The following PSMC6 variants were observed in gnomAD, a reference collection of about 807,000 sequenced individuals.
PSMC6 encodes proteasome 26S subunit, ATPase 6.
PSMC6 carries 3 observed loss-of-function variants against 55.9 expected under a neutral mutation model. The ratio of observed to expected loss-of-function variants is 0.05; its 90% confidence interval spans 0.02 to 0.14. The LOEUF (loss-of-function observed/expected upper bound fraction) is 0.14. Among genes scored for constraint, PSMC6 ranks in the 10% least tolerant of loss-of-function variants. The pLI is 1.00. For synonymous variants in PSMC6, 137 were observed against 155.9 expected, an observed-to-expected ratio of 0.88 and a Z score of 0.90; for missense variants, 210 against 478.7, an observed-to-expected ratio of 0.44 and a Z score of 5.24.
At chr14:52,724,561 C>T (rs1018298724) in intron 13 of PSMC6, among the ~76,000 whole-genome samples, 1 of 152,082 alleles carries the variant, frequency 6.6e-6, no homozygotes, top group East Asian at 1.9e-4. Flanking sequence ...TGTATGTTGT[C>T]TAATACTAGT....
At chr14:52,723,737 G>A (rs913224931) in intron 12 of PSMC6, 119 of 997,908 alleles carry the variant, frequency 1.2e-4, no homozygotes, top group Admixed American at 3.7e-5. Flanking sequence ...TGAGATTTTG[G>A]TGATATTTCC....
chr14:52,721,172 A>G lies in PSMC6; in HGVS notation c.961A>G (p.Thr321Ala). The change falls in exon 12 of 14, where the codon ACA becomes GCA. Residue 321 changes from threonine to alanine, a missense_variant. Physicochemically the swap from Thr to Ala is moderately conservative, Grantham distance 58. Around this residue, in one of 4 missense-constraint regions of PSMC6, gnomAD observed 79 missense variants for 158.7 expected, o/e 0.50. Transcript: ENST00000445930. ...DILKIHAGPI[T>A]KHGEIDYEAI... The stretch of plus-strand genomic sequence containing the variant: ...ACTGAAAATCCATGCAGGTCCCATT[A>G]CAAAGCATGGTGAAATAGGTAAGGA... 3 of 1,590,210 alleles carry G rather than the reference A, an allele frequency of 1.9e-6. No individual in the cohort carries two copies. Among genetic ancestry groups the G allele is most frequent in the Non-Finnish European group, 2.6e-6 (3 of 1,170,764 alleles).
At chr14:52,723,407 A>G (rs1880277111) in intron 12 of PSMC6, 1 of 152,830 alleles carries the variant, frequency 6.5e-6, no homozygotes, top group Non-Finnish European at 1.5e-5. Context: ...TCACTTTATT[A>G]CTGCTACCAT....
At chr14:52,722,025 C>G (rs1030803241) in intron 12 of PSMC6, 5 of 152,456 alleles carry the variant, frequency 3.3e-5, no homozygotes, top group African/African-American at 1.2e-4. Flanking sequence ...ACCCAAAGTT[C>G]TGGGATAACA....
At chr14:52,723,570 A>T (rs1161968933) in intron 12 of PSMC6, 2 of 163,146 alleles carry the variant, frequency 1.2e-5, no homozygotes, top group African/African-American at 4.8e-5. Flanking sequence ...ATTAAAGTAA[A>T]CAAAGTAAAT....
At chr14:52,718,846 G>A (rs896486468) in intron 9 of PSMC6, 131 bp from the exon 10 acceptor site, 1 of 701,188 alleles carries the variant, frequency 1.4e-6, no homozygotes, top group Non-Finnish European at 2.4e-6. Context: ...GTCTAACTTT[G>A]TCAGCATAAT....
At chr14:52,721,422 C>T (rs2041889012) in intron 12 of PSMC6, 5 of 409,124 alleles carry the variant, frequency 1.2e-5, no homozygotes, top group Non-Finnish European at 2.2e-5. Context: ...CATTAGAGAA[C>T]TTATATTCTT....
At chr14:52,709,582 T>G (rs780168915) in intron 4 of PSMC6, 15 of 456,074 alleles carry the variant, frequency 3.3e-5, no homozygotes, top group African/African-American at 8.0e-5. Flanking sequence ...CAGGGCTCTG[T>G]GGATGCCGAA....
chr14:52,709,231 AG>A (rs2041738379), intron 4 of PSMC6: 1 of 195,770 alleles, frequency 5.1e-6, no homozygotes, highest in African/African-American at 2.4e-5. Context: ...CATTTAGATT[AG>A]GGTAGGGCAA....
chr14:52,723,814 T>G, intron 12 of PSMC6, 151 bp from the exon 13 acceptor site: 1 of 1,412,498 alleles, frequency 7.1e-7, no homozygotes, highest in East Asian at 2.6e-5. Context: ...GAAGTCTTAG[T>G]TTTTGGATAT....
chr14:52,715,124 T>TG (rs1351371718), intron 7 of PSMC6, among the ~76,000 whole-genome samples: 3 of 102,508 alleles, frequency 2.9e-5, no homozygotes, highest in Non-Finnish European at 6.1e-5. Flanking sequence ...GCCACATACT[T>TG]GCAGTGTAAA....
intron 13 of PSMC6, among the ~76,000 whole-genome samples, chr14:52,724,868 G>A (rs1000455248): frequency 1.3e-5 from 2 of 152,162 alleles, no homozygotes; most frequent in Non-Finnish European, 2.9e-5. Context: ...ATTAGAATAT[G>A]TGATTTCCTC....
At chr14:52,726,734 C>T (rs1255177934) in intron 13 of PSMC6, among the ~76,000 whole-genome samples, 1 of 151,638 alleles carries the variant, frequency 6.6e-6, no homozygotes, top group South Asian at 2.1e-4. Context: ...CTCTGCCTCC[C>T]GGGTTCAAGC....
At chr14:52,720,434 G>A (rs554913629) in intron 10 of PSMC6, among the ~76,000 whole-genome samples, 1 of 132,072 alleles carries the variant, frequency 7.6e-6, no homozygotes, top group African/African-American at 2.8e-5. Flanking sequence ...AAAAATCTTT[G>A]TATCCATTTA....
At chr14:52,712,946 T>C (rs2041790371) in intron 6 of PSMC6, among the ~76,000 whole-genome samples, 1 of 151,950 alleles carries the variant, frequency 6.6e-6, no homozygotes, top group Admixed American at 6.6e-5. Flanking sequence ...GAAATTTCTC[T>C]CTCGGTCAGG....
intron 3 of PSMC6, 113 bp downstream of exon 3, chr14:52,708,635 T>C (rs2041731056): frequency 2.0e-6 from 3 of 1,524,706 alleles, no homozygotes; most frequent in African/African-American, 2.8e-5. Context: ...TATTTTTGAA[T>C]AGACTTAAGT....
chr14:52,708,245 C>T (rs2041726140), intron 1 of PSMC6, 64 bp from the exon 2 acceptor site: 2 of 1,352,356 alleles, frequency 1.5e-6, no homozygotes, highest in Non-Finnish European at 2.1e-6. Flanking sequence ...TAAAGTGAGA[C>T]GTAGCGACTT....
At chr14:52,720,540 G>A (rs1407902805) in intron 10 of PSMC6, among the ~76,000 whole-genome samples, 1 of 151,706 alleles carries the variant, frequency 6.6e-6, no homozygotes, top group Non-Finnish European at 1.5e-5. Context: ...ATGAAATTTT[G>A]GACATTGGAA....
Position 52,707,247 on chromosome 14 carries a change from C to A in PSMC6, c.28C>A (p.Gln10Lys). 1 of 1,613,930 alleles carries A rather than the reference C, an allele frequency of 6.2e-7. No individual in the cohort carries two copies. The highest frequency in any genetic ancestry group is 8.5e-7 in the Non-Finnish European group (1 of 1,179,970). The change falls in exon 1 of 14, where the codon CAG (glutamine) becomes AAG (lysine). Residue 10 changes from glutamine to lysine, a missense_variant. Physicochemically the swap from Gln to Lys is moderately conservative, Grantham distance 53. This residue lies in a region of PSMC6 where 26 missense variants were observed against 16.9 expected (regional missense o/e 1.54). Transcript: ENST00000445930. ...GGCGGACCCTAGAGATAAGGCGCTT[C>A]AGGACTACCGCAAGAAGTTGCTTGA... MADPRDKAL[Q>K]DYRKKLLEHK...
Sources: allele counts gnomAD v4.1 joint callset (sites outside exome capture counted in the v4.1 genomes callset), GRCh38; gene constraint gnomAD v4.1.1; regional missense constraint gnomAD v4.1.1; transcripts MANE v1.5; gene names NCBI Gene and HGNC (gene_info 2026-07-23, HGNC 2026-07-21).